UNC5C: variants seen among roughly 807,000 people sequenced by gnomAD.
UNC5C encodes the protein unc-5 netrin receptor C.
A neutral mutation model predicts 99.8 loss-of-function variants in UNC5C; 47 were observed. The observed-to-expected ratio is 0.47, with a 90% CI of 0.37 to 0.60. The LOEUF (loss-of-function observed/expected upper bound fraction) is 0.60. Among genes scored for constraint, UNC5C ranks in the 20% least tolerant of loss-of-function variants. The probability of loss-of-function intolerance (pLI) is 0.00; values close to 1 mark genes in which losing one functional copy is unlikely to be tolerated. For missense variants in UNC5C, 1,062 were observed against 1,165.9 expected (o/e 0.91, Z 1.30); for synonymous variants, 487 against 452.2 (o/e 1.08, Z -0.98).
intron 7 of UNC5C, among the ~76,000 whole-genome samples, chr4:95,236,975 A>G (rs1165374528): frequency 6.6e-6 from 1 of 152,226 alleles, no homozygotes; most frequent in Non-Finnish European, 1.5e-5. Context: ...CCAAAATCAG[A>G]GATTGCTCAA....
intron 1 of UNC5C, among the ~76,000 whole-genome samples, chr4:95,355,544 A>G (rs561073644): frequency 2.2e-4 from 34 of 152,162 alleles, no homozygotes; most frequent in Non-Finnish European, 3.2e-4. Flanking sequence ...ACCAGTGCAC[A>G]ATGGGCATCA....
chr4:95,238,356 A>C (rs1739202918), intron 7 of UNC5C, among the ~76,000 whole-genome samples: 1 of 152,026 alleles, frequency 6.6e-6, no homozygotes, highest in Non-Finnish European at 1.5e-5. Flanking sequence ...GTGTGTACTC[A>C]AGTCTTAACA....
At position 95,162,797 on chromosome 4, in the gene UNC5C, A is replaced by AGT. The variant is rs1356862320; in HGVS notation, c.*6435_*6436dup. ...CAAGAGGGAACTCCACAACAACAAAAGTGTTCCATATCGGAAAAGCCAAGG... is the reference window on the plus strand; with the variant it reads ...CAAGAGGGAACTCCACAACAACAAAAGTGTGTTCCATATCGGAAAAGCCAAGG... On this transcript the variant is annotated 3_prime_UTR_variant, in exon 16 of 16. Coordinates refer to ENST00000453304, the MANE Select transcript of UNC5C (RefSeq NM_003728.4). The AGT allele has an allele frequency of 9.2e-5, 14 of 152,146 alleles. No individual in the cohort carries two copies. The highest frequency in any genetic ancestry group is 3.4e-4 in the African/African-American group (14 of 41,444). The allele number at this position is 152,146 out of a possible 1,614,324, so 9.4% of individuals were successfully genotyped here.
Position 95,229,797 on chromosome 4 carries a change from CTTTTT to C in UNC5C, c.1109-9626_1109-9622del, listed in dbSNP as rs71583694. The stretch of plus-strand genomic sequence containing the variant: ...TATCCTCCCCAGAATCTGTTGTTTC[CTTTTT>C]TTTTTTTTTTTTTTTTTTTTTTTTT... On this transcript the variant is annotated intron_variant, in intron 7 of 15. Transcript: ENST00000453304. Among the ~76,000 whole-genome samples, 438 of 79,450 alleles carry C rather than the reference CTTTTT, an allele frequency of 5.5e-3. 1 individual carries two copies. Among genetic ancestry groups the C allele is most frequent in the African/African-American group, 0.025 (391 of 15,904 alleles). 52.1% of individuals were successfully genotyped at this position (79,450 alleles called of 152,430 possible).
chr4:95,346,249 G>A (rs1303897095), intron 1 of UNC5C, among the ~76,000 whole-genome samples: 4 of 151,900 alleles, frequency 2.6e-5, no homozygotes, highest in South Asian at 4.2e-4. Flanking sequence ...TCCAAGACTC[G>A]AACAGACCAT....
At chr4:95,462,444 A>G (rs1747631691) in intron 1 of UNC5C, among the ~76,000 whole-genome samples, 1 of 152,174 alleles carries the variant, frequency 6.6e-6, no homozygotes, top group South Asian at 2.1e-4. Flanking sequence ...CTCATAAAGG[A>G]CCTTATCAGC....
At chr4:95,420,176 G>C (rs138010328) in intron 1 of UNC5C, among the ~76,000 whole-genome samples, 1 of 152,218 alleles carries the variant, frequency 6.6e-6, no homozygotes, top group Non-Finnish European at 1.5e-5. Context: ...ACGTTTTATT[G>C]GAAAATATTA....
At chr4:95,499,237 T>A (rs1420824018) in intron 1 of UNC5C, among the ~76,000 whole-genome samples, 1 of 152,114 alleles carries the variant, frequency 6.6e-6, no homozygotes, top group Non-Finnish European at 1.5e-5. Context: ...GGTTTAAAAG[T>A]TGGCTTAACA....
chr4:95,525,620 A>G (rs1262611098), intron 1 of UNC5C, among the ~76,000 whole-genome samples: 2 of 145,260 alleles, frequency 1.4e-5, no homozygotes, highest in African/African-American at 5.1e-5. Context: ...AAAAAAAAAG[A>G]CATACACAGC....
chr4:95,338,888 T>G (rs1743448655), intron 1 of UNC5C, among the ~76,000 whole-genome samples: 2 of 152,022 alleles, frequency 1.3e-5, no homozygotes, highest in Non-Finnish European at 2.9e-5. Flanking sequence ...CGGTGTAGAA[T>G]GAAAGTTCAA....
At chr4:95,330,050 T>C (rs755520830) in intron 2 of UNC5C, among the ~76,000 whole-genome samples, 5 of 152,160 alleles carry the variant, frequency 3.3e-5, no homozygotes, top group African/African-American at 7.2e-5. Flanking sequence ...AATTCATGTA[T>C]TGAATAAACT....
intron 1 of UNC5C, among the ~76,000 whole-genome samples, chr4:95,524,122 T>G (rs1032702653): frequency 9.2e-5 from 14 of 152,280 alleles, no homozygotes; most frequent in Middle Eastern, 3.4e-3. Context: ...AAAAACTCTA[T>G]AGATTTTTGG....
intron 7 of UNC5C, chr4:95,222,345 A>G (rs1738500688): frequency 2.3e-6 from 2 of 869,934 alleles, no homozygotes; most frequent in Non-Finnish European, 1.7e-6. Context: ...AGCATGAAAA[A>G]TGGTTTAATT....
At chr4:95,289,091 C>T (rs1012774232) in intron 3 of UNC5C, among the ~76,000 whole-genome samples, 1 of 152,074 alleles carries the variant, frequency 6.6e-6, no homozygotes, top group Non-Finnish European at 1.5e-5. Context: ...AATTCTATTA[C>T]ATATTGTATA....
At chr4:95,183,232 CCAGAGAGGTT>C (rs1483454089) in intron 13 of UNC5C, among the ~76,000 whole-genome samples, 171 bp from the exon 14 acceptor site, 2 of 151,958 alleles carry the variant, frequency 1.3e-5, no homozygotes, top group African/African-American at 2.4e-5. Flanking sequence ...AACTTGAGGG[CCAGAGAGGTT>C]CAATAACTTA....
At chr4:95,171,235 T>C (rs1736089607) in intron 14 of UNC5C, among the ~76,000 whole-genome samples, 1 of 152,008 alleles carries the variant, frequency 6.6e-6, no homozygotes, top group Admixed American at 6.6e-5. Flanking sequence ...CTTTTTTATT[T>C]ATTTATTATT....
intron 1 of UNC5C, among the ~76,000 whole-genome samples, chr4:95,361,967 T>TTATA (rs113887749): frequency 3.9e-4 from 59 of 149,660 alleles, no homozygotes; most frequent in African/African-American, 1.1e-3. Flanking sequence ...CTATTATCTA[T>TTATA]TATATATATA....
At chr4:95,407,212 T>G (rs1745853172) in intron 1 of UNC5C, among the ~76,000 whole-genome samples, 1 of 152,206 alleles carries the variant, frequency 6.6e-6, no homozygotes, top group Non-Finnish European at 1.5e-5. Context: ...GAATTTTATA[T>G]GCAGCACAGT....
chr4:95,282,423 C>T (rs540848811), intron 3 of UNC5C, among the ~76,000 whole-genome samples: 24 of 152,006 alleles, frequency 1.6e-4, no homozygotes, highest in African/African-American at 3.9e-4. Context: ...ACTGTAGGGG[C>T]GGAGGGAAAA....
Sources: gnomAD v4.1 joint callset for allele counts (sites outside exome capture counted in the v4.1 genomes callset) on GRCh38, gnomAD v4.1.1 for gene constraint, MANE v1.5 for transcripts, NCBI Gene and HGNC (gene_info 2026-07-23, HGNC 2026-07-21) for gene names.